SLC30A8: variants seen among roughly 807,000 people sequenced by gnomAD.
SLC30A8 encodes proton-coupled zinc antiporter SLC30A8.
A neutral mutation model predicts 36.9 loss-of-function variants in SLC30A8; 27 were observed. The ratio of observed to expected loss-of-function variants is 0.73; its 90% CI spans 0.54 to 1.01. The LOEUF is 1.01. Among genes scored for constraint, SLC30A8 ranks in the 50% least tolerant of loss-of-function variants. SLC30A8 has a pLI of 0.00. For missense variants in SLC30A8, 439 were observed against 452.0 expected (o/e 0.97, Z 0.26); for synonymous variants, 164 against 172.4 (o/e 0.95, Z 0.38).
chr8:117,084,376 C>T (rs1016095892), intron 2 of SLC30A8, among the ~76,000 whole-genome samples: 27 of 152,196 alleles, frequency 1.8e-4, no homozygotes, highest in African/African-American at 6.0e-4. Flanking sequence ...CTGAGAAGTA[C>T]ATGTGGGACA....
At chr8:117,071,215 A>AT (rs753013680) in intron 2 of SLC30A8, among the ~76,000 whole-genome samples, 18 of 151,326 alleles carry the variant, frequency 1.2e-4, no homozygotes, top group Admixed American at 3.3e-4. Context: ...CTTATTGTCC[A>AT]TTTTTTTGTT....
At chr8:117,077,752 C>T (rs1818536031) in intron 2 of SLC30A8, among the ~76,000 whole-genome samples, 1 of 152,174 alleles carries the variant, frequency 6.6e-6, no homozygotes. Flanking sequence ...ATCCTGGAGA[C>T]AGAAGTGGAT....
upstream of SLC30A8, chr8:117,130,193 G>C (rs770517208): frequency 6.6e-6 from 1 of 151,998 alleles, no homozygotes; most frequent in African/African-American, 2.4e-5. Context: ...AGGAAAGACA[G>C]CTGCTGTCCC....
intron 1 of SLC30A8, among the ~76,000 whole-genome samples, chr8:117,019,704 T>C (rs2130720609): frequency 6.6e-6 from 1 of 152,284 alleles, no homozygotes; most frequent in African/African-American, 2.4e-5. Flanking sequence ...AAAGAATGTT[T>C]GAAAACATGC....
chr8:117,103,836 T>A (rs1819842015), intron 2 of SLC30A8, among the ~76,000 whole-genome samples: 1 of 152,150 alleles, frequency 6.6e-6, no homozygotes, highest in Admixed American at 6.6e-5. Context: ...ATCCCAAAAG[T>A]CCAACAGCTT....
chr8:117,016,244 A>G (rs978215505), intron 1 of SLC30A8, among the ~76,000 whole-genome samples: 5 of 152,210 alleles, frequency 3.3e-5, no homozygotes, highest in Non-Finnish European at 7.3e-5. Flanking sequence ...AACCTTGCGC[A>G]CAGAAAATGC....
intron 1 of SLC30A8, among the ~76,000 whole-genome samples, chr8:117,023,050 A>G (rs1816755131): frequency 6.6e-6 from 1 of 152,244 alleles, no homozygotes; most frequent in African/African-American, 2.4e-5. Context: ...AACCCCATCA[A>G]CAAGTGGGTG....
intron 2 of SLC30A8, among the ~76,000 whole-genome samples, chr8:117,103,994 T>G (rs775983160): frequency 2.6e-5 from 4 of 152,152 alleles, no homozygotes; most frequent in Admixed American, 6.6e-5. Context: ...ATCATGGGGA[T>G]CATGCCATTA....
At chr8:117,107,922 C>G (rs1238514374) in intron 2 of SLC30A8, among the ~76,000 whole-genome samples, 1 of 152,160 alleles carries the variant, frequency 6.6e-6, no homozygotes, top group Non-Finnish European at 1.5e-5. Context: ...GCCTCTCTTT[C>G]ATTCTAATCA....
intron 1 of SLC30A8, among the ~76,000 whole-genome samples, chr8:117,136,303 A>T (rs1207837683): frequency 6.6e-6 from 1 of 152,020 alleles, no homozygotes; most frequent in Non-Finnish European, 1.5e-5. Flanking sequence ...TAAGAATGTG[A>T]GCTTGGTTTG....
intron 1 of SLC30A8, among the ~76,000 whole-genome samples, chr8:117,030,388 A>G (rs1283298949): frequency 6.6e-6 from 1 of 152,160 alleles, no homozygotes; most frequent in Non-Finnish European, 1.5e-5. Context: ...CCTACTTCTC[A>G]GTTATGGTTC....
intron 2 of SLC30A8, among the ~76,000 whole-genome samples, chr8:117,045,312 C>T (rs1010141060): frequency 3.3e-5 from 5 of 152,162 alleles, no homozygotes; most frequent in Non-Finnish European, 5.9e-5. Context: ...TTTCTCCTCA[C>T]CAGGCTTCCA....
chr8:116,971,654 G>C (rs1814802061), intron 1 of SLC30A8, among the ~76,000 whole-genome samples: 1 of 151,916 alleles, frequency 6.6e-6, no homozygotes, highest in Non-Finnish European at 1.5e-5. Flanking sequence ...AAAGATGTTG[G>C]GTTCTGGGAA....
intron 1 of SLC30A8, among the ~76,000 whole-genome samples, chr8:116,962,130 C>A (rs1814445901): frequency 6.6e-6 from 1 of 151,954 alleles, no homozygotes; most frequent in South Asian, 2.1e-4. Context: ...TTCTGGTGTT[C>A]CATTGAAGAC....
intron 2 of SLC30A8, among the ~76,000 whole-genome samples, chr8:117,046,392 A>AATTTATTTTTTGGAAGGAT (rs1404442834): frequency 2.6e-5 from 4 of 152,182 alleles, no homozygotes; most frequent in Non-Finnish European, 4.4e-5. Flanking sequence ...GATAATTCCA[A>AATTTATTTTTTGGAAGGAT]ACATGTTATT....
chr8:116,993,458 A>G (rs1323826092), intron 1 of SLC30A8, among the ~76,000 whole-genome samples: 1 of 152,098 alleles, frequency 6.6e-6, no homozygotes, highest in Non-Finnish European at 1.5e-5. Flanking sequence ...AGCATCTACA[A>G]TGTCTAAAAA....
intron 6 of SLC30A8, among the ~76,000 whole-genome samples, chr8:117,166,184 C>A (rs937221023): frequency 6.6e-6 from 1 of 152,078 alleles, no homozygotes; most frequent in African/African-American, 2.4e-5. Context: ...TTGTCAGTTA[C>A]CCTCATCTGA....
At chr8:117,108,587 C>T (rs1470375379) in intron 2 of SLC30A8, among the ~76,000 whole-genome samples, 3 of 152,206 alleles carry the variant, frequency 2.0e-5, no homozygotes, top group African/African-American at 7.2e-5. Flanking sequence ...AGAAAACCAT[C>T]ATTACACCTT....
chr8:116,976,410 T>G (rs774737497), intron 1 of SLC30A8, among the ~76,000 whole-genome samples: 1 of 152,100 alleles, frequency 6.6e-6, no homozygotes, highest in South Asian at 2.1e-4. Flanking sequence ...TGGAACTGAT[T>G]GGAAGAAAAT....
Sources: allele counts gnomAD v4.1 joint callset (sites outside exome capture counted in the v4.1 genomes callset), GRCh38; gene constraint gnomAD v4.1.1; transcripts MANE v1.5; gene names NCBI Gene and HGNC (gene_info 2026-07-23, HGNC 2026-07-21).